The following PCNX1 variants were observed in gnomAD, a reference collection of about 807,000 sequenced individuals.
PCNX1 encodes the protein pecanex 1, also known as pecanex-like protein 1.
A neutral mutation model predicts 242.2 loss-of-function variants in PCNX1; 78 were observed. The observed-to-expected ratio is 0.32, with a 90% CI of 0.27 to 0.39. The LOEUF (loss-of-function observed/expected upper bound fraction) is 0.39. PCNX1 is among the 10% of genes least tolerant of loss of function. The pLI is 1.00. For missense variants in PCNX1, 2,581 were observed against 2,856.5 expected, an observed-to-expected ratio of 0.90 and a Z score of 2.20; for synonymous variants, 1,024 against 1,032.9, an observed-to-expected ratio of 0.99 and a Z score of 0.17.
rs561709704 is a variant in PCNX1 at position 71,083,888 on chromosome 14, C to G, written c.5338-4442C>G. On this transcript the variant is annotated intron_variant, in intron 28 of 35. Transcript: ENST00000304743. ...CTCATTCTCCATCCAGTTTTGTTCC[C>G]TTGCTGGCGAGGAGTTGTGATCCTT... Among the ~76,000 whole-genome samples the G allele has an allele frequency of 2.0e-5, 3 of 152,236 alleles. No individual in the cohort carries two copies. In the South Asian group the frequency reaches 6.2e-4, roughly 32 times the overall value.
intron 19 of PCNX1, among the ~76,000 whole-genome samples, chr14:71,037,108 G>A (rs1396572172): frequency 6.6e-6 from 1 of 152,000 alleles, no homozygotes; most frequent in African/African-American, 2.4e-5. Flanking sequence ...CTGGTGTATA[G>A]GAATGCTTGT....
At chr14:70,965,617 G>A (rs958415380) in intron 3 of PCNX1, among the ~76,000 whole-genome samples, 4 of 147,594 alleles carry the variant, frequency 2.7e-5, no homozygotes, top group African/African-American at 1.0e-4. Flanking sequence ...GAGCTGAGAT[G>A]GCACCACTGC....
intron 6 of PCNX1, among the ~76,000 whole-genome samples, chr14:70,981,448 A>G (rs1341981937): frequency 3.9e-5 from 6 of 152,138 alleles, no homozygotes; most frequent in African/African-American, 7.2e-5. Context: ...ATTAACATCA[A>G]TTTAGTGACA....
rs546043801 is a variant in PCNX1, at chr14:70,921,534, T to G, written c.153+13531T>G. ...AAAGTGAGAATAAAGATAGCTAATCTTAACAAAAATATGCTTTGTTACCAA... is the reference window on the plus strand; with the variant it reads ...AAAGTGAGAATAAAGATAGCTAATCGTAACAAAAATATGCTTTGTTACCAA... On this transcript the variant is annotated intron_variant, in intron 1 of 35. Transcript: ENST00000304743. 2.0e-5 allele frequency among the ~76,000 whole-genome samples: 3 copies of G among 152,270 alleles called. No homozygotes were observed. In the East Asian group the frequency reaches 5.8e-4, roughly 29 times the overall value.
chr14:70,946,944 A>T lies in PCNX1; in HGVS notation c.183A>T (p.Ala61=). The T allele has an allele frequency of 6.2e-7, 1 of 1,613,108 alleles. No individual in the cohort carries two copies. The highest frequency in any genetic ancestry group is 1.1e-5 in the South Asian group (1 of 91,062). The stretch of plus-strand genomic sequence containing the variant: ...TTCCTTCTACCATGATTATAGTAGC[A>T]GTTTATTGTCCTGTGATAGCTGCTG... ...MALPSTMIIV[A]VYCPVIAAVF... The change falls in exon 2 of 36, where the codon GCA becomes GCT. Residue 61 remains alanine (A), a synonymous_variant. Transcript: ENST00000304743.
intron 5 of PCNX1, among the ~76,000 whole-genome samples, chr14:70,974,794 A>G (rs1339543966): frequency 1.3e-5 from 2 of 152,224 alleles, no homozygotes; most frequent in Non-Finnish European, 2.9e-5. Context: ...ATTATTTTAA[A>G]AAAAGTTTGA....
In PCNX1 at chr14:70,995,868, G is replaced by A. The variant is rs1373326477; in HGVS notation, c.2572G>A (p.Glu858Lys). Residue 858 changes from glutamate to lysine, a missense_variant, in exon 8 of 36, where the codon GAA becomes AAA. Physicochemically the swap from Glu to Lys is moderately conservative, Grantham distance 56. Transcript: ENST00000304743. The stretch of plus-strand genomic sequence containing the variant: ...GGTGAGAAATGGGAGTGTCCACTTA[G>A]AAGCATCACATGACAATGCATCTGC... ...LLVRNGSVHL[E>K]ASHDNASAVG... The A allele has an allele frequency of 6.2e-7, 1 of 1,613,982 alleles. No individual in the cohort carries two copies. Among genetic ancestry groups the A allele is most frequent in the African/African-American group, 1.3e-5 (1 of 74,922 alleles).
chr14:71,084,836 C>T (rs894449132), intron 28 of PCNX1, among the ~76,000 whole-genome samples: 1 of 152,196 alleles, frequency 6.6e-6, no homozygotes, highest in African/African-American at 2.4e-5. Context: ...GGCTTCAGCC[C>T]CCTTTCCAGG....
At chr14:71,074,899 C>T (rs1459539789) in intron 27 of PCNX1, among the ~76,000 whole-genome samples, 1 of 151,976 alleles carries the variant, frequency 6.6e-6, no homozygotes, top group Non-Finnish European at 1.5e-5. Flanking sequence ...TTAGGGGCTT[C>T]CAGGTGAAGC....
intron 1 of PCNX1, among the ~76,000 whole-genome samples, chr14:70,937,763 T>A (rs983315913): frequency 6.6e-6 from 1 of 152,244 alleles, no homozygotes; most frequent in South Asian, 2.1e-4. Context: ...TTCCTATCCA[T>A]GAGCATGGAA....
rs754201077 is a variant in PCNX1 at position 71,011,541 on chromosome 14, C to T, written c.2770C>T (p.His924Tyr). The T allele has an allele frequency of 5.2e-6, 8 of 1,533,796 alleles. No individual in the cohort carries two copies. The highest frequency in any genetic ancestry group is 9.0e-7 in the Non-Finnish European group (1 of 1,109,940). ...SSSTSVRFYP[H>Y]DVLSLPQIRL... ...TTCTACCTCAGTTCGATTTTATCCA[C>T]ATGATGTGGTAGGTTTTTCTTTATT... The change falls in exon 10 of 36, where the codon CAT becomes TAT. Residue 924 changes from histidine (H) to tyrosine (Y), a missense_variant. Around this residue, in one of 9 missense-constraint regions of PCNX1, gnomAD observed 1,204 missense variants for 1,216.7 expected, o/e 0.99. Transcript: ENST00000304743.
chr14:70,907,774 C>G lies in PCNX1; in HGVS notation c.-77C>G. The G allele has an allele frequency of 8.4e-7, 1 of 1,194,154 alleles. No homozygotes were observed. The highest frequency in any genetic ancestry group is 1.0e-6 in the Non-Finnish European group (1 of 964,666). 74.0% of individuals were successfully genotyped at this position (1,194,154 alleles called of 1,614,324 possible). Reference sequence around the variant, plus strand: ...GGATAGACGGGGCAGCTGCAGGCTCCGGCGACCGAGGCCGAGCTGGGGCCG... The same window carrying G: ...GGATAGACGGGGCAGCTGCAGGCTCGGGCGACCGAGGCCGAGCTGGGGCCG... On this transcript the variant is annotated 5_prime_UTR_variant, in exon 1 of 36. Transcript: ENST00000304743.
At chr14:70,996,690 A>G (rs2059363129) in intron 8 of PCNX1, among the ~76,000 whole-genome samples, 1 of 152,144 alleles carries the variant, frequency 6.6e-6, no homozygotes, top group Non-Finnish European at 1.5e-5. Context: ...AGTAAATATA[A>G]TGAAGAAAAT....
rs1002768396 is a variant in PCNX1, at chr14:71,036,247, C to G, written c.3867+90C>G. 5.5e-5 allele frequency: 45 copies of G among 813,060 alleles called. 1 individual carries two copies. In the South Asian group the frequency reaches 6.8e-4, roughly 12 times the overall value. The allele number at this position is 813,060 out of a possible 1,614,324, so 50.4% of individuals were successfully genotyped here. On this transcript the variant is annotated intron_variant, in intron 19 of 35. Coordinates refer to ENST00000304743, the MANE Select transcript of PCNX1 (RefSeq NM_014982.3). ...AGGCTGGAGTGCAGTGTTGCGATCA[C>G]AGTTCATTCTAACCTTGAATCCCTG...
chr14:71,079,120 T>G (rs1193019655), intron 28 of PCNX1, among the ~76,000 whole-genome samples: 1 of 152,168 alleles, frequency 6.6e-6, no homozygotes, highest in Non-Finnish European at 1.5e-5. Context: ...TGTCCCTGTG[T>G]TAGTTTGCTA....
At position 70,907,500 on chromosome 14, in the gene PCNX1, CGCG is replaced by C; in HGVS notation, c.-342_-340del. 6.6e-6 allele frequency: 1 copy of C among 152,164 alleles called. No individual in the cohort carries two copies. Among genetic ancestry groups the C allele is most frequent in the Non-Finnish European group, 1.5e-5 (1 of 68,140 alleles). The allele number at this position is 152,164 out of a possible 1,614,324, so 9.4% of individuals were successfully genotyped here. On this transcript the variant is annotated 5_prime_UTR_variant, in exon 1 of 36. Transcript: ENST00000304743. ...CCCAGGGCTGGCGGCCGGCGGGGGTCGCGGCGGCGGCAGTGGGGGCGCTGGCGG... is the reference window on the plus strand; with the variant it reads ...CCCAGGGCTGGCGGCCGGCGGGGGTCGCGGCGGCAGTGGGGGCGCTGGCGG...
intron 33 of PCNX1, among the ~76,000 whole-genome samples, chr14:71,106,995 T>TA (rs1460402343): frequency 6.6e-6 from 1 of 152,202 alleles, no homozygotes; most frequent in Non-Finnish European, 1.5e-5. Context: ...TAGTACTTTT[T>TA]ATGTCCTAAT....
chr14:71,080,117 A>G (rs2061816967), intron 28 of PCNX1, among the ~76,000 whole-genome samples: 2 of 152,166 alleles, frequency 1.3e-5, no homozygotes, highest in Admixed American at 6.5e-5. Flanking sequence ...AGCACCATTT[A>G]TTAAATAGGG....
intron 30 of PCNX1, among the ~76,000 whole-genome samples, chr14:71,089,961 A>G (rs192348581): frequency 5.3e-5 from 8 of 152,326 alleles, no homozygotes; most frequent in African/African-American, 1.9e-4. Flanking sequence ...GAAGAAAAAG[A>G]AAAATTATTT....
Sources: allele counts gnomAD v4.1 joint callset (sites outside exome capture counted in the v4.1 genomes callset), GRCh38; gene constraint gnomAD v4.1.1; regional missense constraint gnomAD v4.1.1; transcripts MANE v1.5; gene names NCBI Gene and HGNC (gene_info 2026-07-23, HGNC 2026-07-21).